The following RXFP1 variants were observed in gnomAD, a reference collection of about 807,000 sequenced individuals.
The protein encoded by RXFP1 is relaxin receptor 1.
RXFP1 carries 73 observed loss-of-function variants against 89.8 expected under a neutral mutation model. The observed-to-expected ratio is 0.81, with a 90% confidence interval of 0.67 to 0.99. The LOEUF (loss-of-function observed/expected upper bound fraction) is 0.99, where lower values mean the gene tolerates loss of function less well. RXFP1 is among the 50% of genes least tolerant of loss of function. The pLI is 0.00. For missense variants in RXFP1, 793 were observed against 895.5 expected (o/e 0.89, Z 1.46); for synonymous variants, 277 against 305.5 (o/e 0.91, Z 0.97).
At chr4:158,572,579 G>A in intron 1 of RXFP1, 119 bp from the exon 2 acceptor site, 2 of 882,848 alleles carry the variant, frequency 2.3e-6, no homozygotes, top group African/African-American at 1.6e-5. Context: ...CATCAGGGTT[G>A]TATGTAGAAA....
At position 158,652,157 on chromosome 4, in the gene RXFP1, G is replaced by A; in HGVS notation, c.*102G>A. 5.4e-6 allele frequency: 5 copies of A among 927,672 alleles called. No individual in the cohort carries two copies. Among genetic ancestry groups the A allele is most frequent in the South Asian group, 2.2e-5 (1 of 45,550 alleles). The allele number at this position is 927,672 out of a possible 1,614,324, so 57.5% of individuals were successfully genotyped here. On this transcript the variant is annotated 3_prime_UTR_variant, in exon 18 of 18. Transcript: ENST00000307765. Reference sequence around the variant, plus strand: ...ACCACAAAATTAATTTATAATAATAGCTAAGATAAATATTTTACAAGGACA... The same window carrying A: ...ACCACAAAATTAATTTATAATAATAACTAAGATAAATATTTTACAAGGACA...
intron 1 of RXFP1, among the ~76,000 whole-genome samples, chr4:158,548,514 G>T (rs1193811753): frequency 6.6e-6 from 1 of 152,146 alleles, no homozygotes; most frequent in Non-Finnish European, 1.5e-5. Context: ...TGGTTATTTT[G>T]CTCGTTAGTT....
At chr4:158,599,180 A>T in intron 3 of RXFP1, 146 bp from the exon 4 acceptor site, 1 of 1,305,806 alleles carries the variant, frequency 7.7e-7, no homozygotes, top group Non-Finnish European at 1.0e-6. Context: ...GCCTTAATTT[A>T]AAGCATTGCC....
At chr4:158,581,589 A>AT (rs1274794282) in intron 2 of RXFP1, among the ~76,000 whole-genome samples, 3 of 152,240 alleles carry the variant, frequency 2.0e-5, no homozygotes, top group Admixed American at 2.0e-4. Context: ...AATTGCAAGT[A>AT]TAATAGTATG....
chr4:158,534,739 C>A (rs1375292739), intron 1 of RXFP1, among the ~76,000 whole-genome samples: 1 of 151,686 alleles, frequency 6.6e-6, no homozygotes, highest in Non-Finnish European at 1.5e-5. Context: ...GTCAATGTCA[C>A]GGGCACATCA....
chr4:158,578,881 A>G (rs1756781488), intron 2 of RXFP1, among the ~76,000 whole-genome samples: 1 of 151,666 alleles, frequency 6.6e-6, no homozygotes, highest in Non-Finnish European at 1.5e-5. Flanking sequence ...ACCTCTTCTA[A>G]TACATTTTGG....
In RXFP1 at chr4:158,542,109, ATTTT is replaced by A. The variant is rs56032847; in HGVS notation, c.49+20091_49+20094del. On this transcript the variant is annotated intron_variant, in intron 1 of 17. Coordinates refer to ENST00000307765, the MANE Select transcript of RXFP1 (RefSeq NM_021634.4). Reference sequence around the variant, plus strand: ...TATATATATATATATATATATATATATTTTTTTTTTAGTAGAGACAGGGTTTCAC... The same window carrying A: ...TATATATATATATATATATATATATATTTTTTAGTAGAGACAGGGTTTCAC... Among the ~76,000 whole-genome samples the A allele has an allele frequency of 2.7e-3, 94 of 35,174 alleles. 2 individuals are homozygous for A. Among genetic ancestry groups the A allele is most frequent in the African/African-American group, 8.2e-3 (88 of 10,720 alleles). 23.1% of individuals were successfully genotyped at this position (35,174 alleles called of 152,430 possible).
At chr4:158,590,778 C>T (rs1462118628) in intron 2 of RXFP1, among the ~76,000 whole-genome samples, 3 of 152,238 alleles carry the variant, frequency 2.0e-5, no homozygotes, top group African/African-American at 7.2e-5. Context: ...GTAACCCCTT[C>T]TGGAAGGAGG....
chr4:158,543,898 A>G lies in RXFP1; in HGVS notation c.49+21873A>G, dbSNP rs558651077. On this transcript the variant is annotated intron_variant, in intron 1 of 17. Coordinates refer to ENST00000307765, the MANE Select transcript of RXFP1 (RefSeq NM_021634.4). ...CATCAATTTATTGGCACATTCAAGA[A>G]TAAAGCAAAACTCTACTGAATATCG... The G allele has an allele frequency of 1.0e-5, 10 of 985,420 alleles. No individual in the cohort carries two copies. In the African/African-American group the frequency reaches 1.2e-4, roughly 12 times the overall value. The allele number at this position is 985,420 out of a possible 1,614,324, so 61.0% of individuals were successfully genotyped here.
chr4:158,639,524 G>T (rs1416479856), intron 14 of RXFP1, among the ~76,000 whole-genome samples, 193 bp downstream of exon 14: 4 of 152,168 alleles, frequency 2.6e-5, no homozygotes, highest in Non-Finnish European at 4.4e-5. Context: ...GCCTTTGGGA[G>T]GTGACTAGGT....
intron 1 of RXFP1, among the ~76,000 whole-genome samples, chr4:158,532,945 T>C (rs764926555): frequency 2.0e-5 from 3 of 152,182 alleles, no homozygotes; most frequent in Non-Finnish European, 2.9e-5. Context: ...CAAATTCTCT[T>C]AGCAGTTTCC....
intron 2 of RXFP1, among the ~76,000 whole-genome samples, chr4:158,586,378 ATTTG>A (rs1758308785): frequency 6.6e-6 from 1 of 152,156 alleles, no homozygotes. Flanking sequence ...TAGTAAAAAT[ATTTG>A]TTTTATTGGT....
At chr4:158,579,059 A>G (rs977337993) in intron 2 of RXFP1, among the ~76,000 whole-genome samples, 9 of 149,804 alleles carry the variant, frequency 6.0e-5, no homozygotes, top group African/African-American at 1.5e-4. Context: ...GAAATGGCAT[A>G]CAGAGATGCT....
At chr4:158,606,879 C>A (rs1437402323) in intron 5 of RXFP1, among the ~76,000 whole-genome samples, 6 of 152,122 alleles carry the variant, frequency 3.9e-5, no homozygotes, top group Non-Finnish European at 7.4e-5. Flanking sequence ...TTCACCCAGC[C>A]TATAATAAAT....
At chr4:158,564,979 G>A (rs1753251619) in intron 1 of RXFP1, among the ~76,000 whole-genome samples, 1 of 152,180 alleles carries the variant, frequency 6.6e-6, no homozygotes. Context: ...TGGATCAGAA[G>A]GAGGTATTTT....
chr4:158,631,520 G>A (rs1768023353), intron 11 of RXFP1, among the ~76,000 whole-genome samples: 1 of 152,182 alleles, frequency 6.6e-6, no homozygotes, highest in Admixed American at 6.5e-5. Flanking sequence ...TGTTATATGT[G>A]CTATATGTGT....
intron 2 of RXFP1, among the ~76,000 whole-genome samples, chr4:158,586,067 A>T (rs1223931375): frequency 6.6e-6 from 1 of 152,276 alleles, no homozygotes; most frequent in Non-Finnish European, 1.5e-5. Context: ...AACCTAGGCC[A>T]CTTATGAAAA....
intron 1 of RXFP1, among the ~76,000 whole-genome samples, chr4:158,567,134 G>A (rs188217312): frequency 3.0e-4 from 46 of 152,282 alleles, no homozygotes; most frequent in Non-Finnish European, 4.4e-4. Flanking sequence ...CTGCCTCCCC[G>A]CTTGGCAGGG....
chr4:158,570,658 C>G (rs1026068116), intron 1 of RXFP1, among the ~76,000 whole-genome samples: 3 of 152,092 alleles, frequency 2.0e-5, no homozygotes, highest in African/African-American at 7.2e-5. Context: ...GCCCAGCTTT[C>G]CCTCCTACCC....
Sources: allele counts gnomAD v4.1 joint callset (sites outside exome capture counted in the v4.1 genomes callset), GRCh38; gene constraint gnomAD v4.1.1; transcripts MANE v1.5; gene names NCBI Gene and HGNC (gene_info 2026-07-23, HGNC 2026-07-21).